The following GRIK2 variants were observed in gnomAD, a reference collection of about 807,000 sequenced individuals.
GRIK2 encodes glutamate receptor ionotropic, kainate 2.
GRIK2 carries 32 observed loss-of-function variants against 100.3 expected under a neutral mutation model. The ratio of observed to expected loss-of-function variants is 0.32; its 90% CI spans 0.24 to 0.43. GRIK2 has a LOEUF of 0.43. GRIK2 is among the 20% of genes least tolerant of loss of function. The pLI is 1.00. For missense variants in GRIK2, 843 were observed against 1,114.9 expected, an observed-to-expected ratio of 0.76 and a Z score of 3.47; for synonymous variants, 417 against 389.4, an observed-to-expected ratio of 1.07 and a Z score of -0.83.
chr6:101,639,598 G>GCATACATA lies in GRIK2; in HGVS notation c.541+12984_541+12991dup, dbSNP rs3056158. Reference sequence around the variant, plus strand: ...AGAGCGACACTCCATCTCAATACATGCATACATACATACATACATACATAC... The same window carrying GCATACATA: ...AGAGCGACACTCCATCTCAATACATGCATACATACATACATACATACATACATACATAC... On this transcript the variant is annotated intron_variant, in intron 4 of 16. Coordinates refer to ENST00000369134, the MANE Select transcript of GRIK2 (RefSeq NM_021956.5). 4.3e-3 allele frequency among the ~76,000 whole-genome samples: 653 copies of GCATACATA among 151,100 alleles called. 2 individuals carry two copies. The highest frequency in any genetic ancestry group is 0.012 in the African/African-American group (498 of 41,102).
At chr6:101,814,433 G>C (rs568715342) in intron 9 of GRIK2, among the ~76,000 whole-genome samples, 1 of 152,030 alleles carries the variant, frequency 6.6e-6, no homozygotes, top group African/African-American at 2.4e-5. Flanking sequence ...GTAAAACAAA[G>C]TAATTGAAAT....
At chr6:101,975,809 G>GTCTATCTATCTATCTA (rs71028093) in intron 14 of GRIK2, among the ~76,000 whole-genome samples, 17,602 of 147,372 alleles carry the variant, frequency 0.12, 1,177 homozygotes, top group East Asian at 0.24. Context: ...CTATCTATCT[G>GTCTATCTATCTATCTA]TCTATCTATC....
chr6:101,662,688 A>G (rs1582915240), intron 4 of GRIK2, among the ~76,000 whole-genome samples: 1 of 151,928 alleles, frequency 6.6e-6, no homozygotes, highest in East Asian at 1.9e-4. Context: ...GTAATCACCC[A>G]TCCTTGTCCA....
chr6:101,830,149 C>A (rs1263202028), intron 10 of GRIK2, among the ~76,000 whole-genome samples: 2 of 151,892 alleles, frequency 1.3e-5, no homozygotes, highest in Non-Finnish European at 2.9e-5. Context: ...TGATCTTTGA[C>A]AAAATCGACA....
chr6:101,632,952 G>C (rs1259430202), intron 4 of GRIK2, among the ~76,000 whole-genome samples: 7 of 152,118 alleles, frequency 4.6e-5, no homozygotes, highest in African/African-American at 1.7e-4. Flanking sequence ...GTAAAATGCT[G>C]CAACTGGAGA....
At chr6:101,878,111 T>G (rs1023248789) in intron 11 of GRIK2, among the ~76,000 whole-genome samples, 24 of 145,234 alleles carry the variant, frequency 1.7e-4, no homozygotes, top group Admixed American at 1.6e-3. Flanking sequence ...TATATTATAT[T>G]ATATTATATT....
At chr6:101,555,387 T>G (rs138389172) in intron 2 of GRIK2, among the ~76,000 whole-genome samples, 1 of 152,282 alleles carries the variant, frequency 6.6e-6, no homozygotes, top group African/African-American at 2.4e-5. Flanking sequence ...ATGTGAAGCC[T>G]CTCTTGATTT....
At chr6:101,721,243 T>C (rs1583021396) in intron 7 of GRIK2, among the ~76,000 whole-genome samples, 2 of 152,026 alleles carry the variant, frequency 1.3e-5, no homozygotes, top group East Asian at 3.9e-4. Flanking sequence ...CAGCAACAAA[T>C]AGCATGCAAG....
chr6:101,621,191 C>T (rs959802488), intron 2 of GRIK2, among the ~76,000 whole-genome samples: 3 of 152,120 alleles, frequency 2.0e-5, no homozygotes, highest in African/African-American at 7.2e-5. Flanking sequence ...GTGGCTCACT[C>T]CTGTAAATCC....
chr6:101,888,424 G>T (rs1173756234), intron 11 of GRIK2, among the ~76,000 whole-genome samples: 1 of 152,142 alleles, frequency 6.6e-6, no homozygotes, highest in Non-Finnish European at 1.5e-5. Context: ...GCTACCTAAA[G>T]AATATTAGCA....
At chr6:101,793,025 C>T (rs1337452847) in intron 7 of GRIK2, among the ~76,000 whole-genome samples, 1 of 152,214 alleles carries the variant, frequency 6.6e-6, no homozygotes, top group Non-Finnish European at 1.5e-5. Flanking sequence ...CTGCATTCTT[C>T]ACGCAGTTCT....
intron 7 of GRIK2, among the ~76,000 whole-genome samples, chr6:101,771,995 C>T (rs975057461): frequency 2.0e-5 from 3 of 152,054 alleles, no homozygotes; most frequent in East Asian, 1.9e-4. Flanking sequence ...AATAAACATA[C>T]GTGTGCATGT....
At chr6:101,912,182 T>C (rs1288010604) in intron 12 of GRIK2, among the ~76,000 whole-genome samples, 9 of 150,260 alleles carry the variant, frequency 6.0e-5, no homozygotes, top group African/African-American at 2.2e-4. Context: ...CAACTATCAA[T>C]TATATTTTTT....
intron 10 of GRIK2, among the ~76,000 whole-genome samples, chr6:101,844,667 G>C (rs2128436668): frequency 6.6e-6 from 1 of 152,294 alleles, no homozygotes; most frequent in South Asian, 2.1e-4. Context: ...TAATGTAAGA[G>C]TATGGCACAT....
intron 5 of GRIK2, among the ~76,000 whole-genome samples, chr6:101,677,052 GTTAATGAGATAGTTGA>G (rs1770893795): frequency 6.6e-6 from 1 of 152,074 alleles, no homozygotes; most frequent in South Asian, 2.1e-4. Flanking sequence ...AATGCTGTTG[GTTAATGAGATAGTTGA>G]TTAATGAGAT....
Position 102,065,807 on chromosome 6 carries a change from C to T in GRIK2, c.2563-2540C>T, listed in dbSNP as rs1471872935. 43 of 1,522,604 alleles carry T rather than the reference C, an allele frequency of 2.8e-5. 1 individual carries two copies. In the East Asian group the frequency reaches 1.0e-3, roughly 37 times the overall value. 94.3% of individuals were successfully genotyped at this position (1,522,604 alleles called of 1,614,324 possible). The stretch of plus-strand genomic sequence containing the variant: ...TAAATGTTTCAACAGAGAGCCAAGA[C>T]TAAGTTACCTCAAGACTATGTATTC... On this transcript the variant is annotated intron_variant, in intron 16 of 16. Coordinates refer to ENST00000369134, the MANE Select transcript of GRIK2 (RefSeq NM_021956.5).
chr6:101,754,676 G>A (rs935689820), intron 7 of GRIK2, among the ~76,000 whole-genome samples: 2 of 152,206 alleles, frequency 1.3e-5, no homozygotes, highest in Non-Finnish European at 2.9e-5. Context: ...TACTAGGTTA[G>A]CACATAGCTG....
intron 14 of GRIK2, among the ~76,000 whole-genome samples, chr6:102,007,904 G>T (rs980228563): frequency 6.6e-6 from 1 of 151,946 alleles, no homozygotes; most frequent in African/African-American, 2.4e-5. Context: ...TACATTTGAA[G>T]TATAAGTAAG....
chr6:101,988,132 T>TGTGTGTGCGCGCGTGC (rs1231517176), intron 14 of GRIK2, among the ~76,000 whole-genome samples: 1 of 29,552 alleles, frequency 3.4e-5, no homozygotes, highest in Non-Finnish European at 9.5e-5. Context: ...TGTGTGTGTG[T>TGTGTGTGCGCGCGTGC]GCGCGCGCGC....
Sources: gnomAD v4.1 joint callset for allele counts (sites outside exome capture counted in the v4.1 genomes callset) on GRCh38, gnomAD v4.1.1 for gene constraint, MANE v1.5 for transcripts, NCBI Gene and HGNC (gene_info 2026-07-23, HGNC 2026-07-21) for gene names.